ANTXRL: variants seen among roughly 807,000 people sequenced by gnomAD.
ANTXRL encodes the protein anthrax toxin receptor-like.
Under a neutral mutation model 75.4 loss-of-function variants are expected in ANTXRL, and 63 were observed. That is an observed-to-expected ratio of 0.84 (90% CI 0.68 to 1.03). The LOEUF (loss-of-function observed/expected upper bound fraction) is 1.03, where lower values mean the gene tolerates loss of function less well. Ranked by LOEUF, ANTXRL falls within the 50% of genes least tolerant of loss-of-function variation. The probability of loss-of-function intolerance (pLI) is 0.00; values close to 1 mark genes in which losing one functional copy is unlikely to be tolerated. For synonymous variants in ANTXRL, 335 were observed against 291.3 expected (o/e 1.15, Z -1.53); for missense variants, 797 against 789.4 (o/e 1.01, Z -0.12).
chr10:46,286,893 G>A, upstream of ANTXRL: 1 of 302,308 alleles, frequency 3.3e-6, no homozygotes, highest in Non-Finnish European at 6.2e-6. Context: ...GCTTCCTCTT[G>A]TAGCCCCTCC....
At chr10:46,299,635 C>T (rs577385227) in intron 9 of ANTXRL, among the ~76,000 whole-genome samples, 4 of 152,250 alleles carry the variant, frequency 2.6e-5, no homozygotes, top group East Asian at 1.9e-4. Flanking sequence ...GGTGTCCTGG[C>T]GGTAGGCTGT....
intron 5 of ANTXRL, 80 bp downstream of exon 5, chr10:46,296,332 A>C (rs112679328): frequency 0.18 from 268,576 of 1,461,142 alleles, 19,923 homozygotes; most frequent in Non-Finnish European, 0.19. Flanking sequence ...TGTGTGCAGA[A>C]TCTGCAAGGC....
In ANTXRL at chr10:46,311,536, A is replaced by G; in HGVS notation, c.1200A>G (p.Ser400=). ...AGCCAGAGCAGGAAAAACCACCATC[A>G]CCACCACCACCGCCTCCGCCTCCAC... ...EKEPEQEKPP[S]PPPPPPPPPP... Residue 400 remains serine (S), a synonymous_variant, in exon 15 of 17, where the codon TCA becomes TCG. Transcript: ENST00000620264. 1 of 1,531,582 alleles carries G rather than the reference A, an allele frequency of 6.5e-7. No individual in the cohort carries two copies. The highest frequency in any genetic ancestry group is 8.7e-7 in the Non-Finnish European group (1 of 1,144,600). The allele number at this position is 1,531,582 out of a possible 1,614,324, so 94.9% of individuals were successfully genotyped here.
chr10:46,313,383 T>C (rs555347178), intron 16 of ANTXRL, 67 bp downstream of exon 16: 1 of 1,455,134 alleles, frequency 6.9e-7, no homozygotes, highest in African/African-American at 1.4e-5. Context: ...ACCACTGTCC[T>C]CTGGGATTGG....
chr10:46,311,393 C>T, intron 14 of ANTXRL, 117 bp from the exon 15 acceptor site: 1 of 1,358,362 alleles, frequency 7.4e-7, no homozygotes, highest in Middle Eastern at 1.9e-4. Context: ...CATGAAGGAC[C>T]CTCCACTGTG....
rs537543518 is a variant in ANTXRL, at chr10:46,287,331, G to T, written c.69G>T (p.Pro23=). 47 of 1,535,856 alleles carry T rather than the reference G, an allele frequency of 3.1e-5. No individual in the cohort carries two copies. Among genetic ancestry groups the T allele is most frequent in the Non-Finnish European group, 4.1e-5 (47 of 1,146,778 alleles). ...TGCTGCTGCTGCTGCTTCCTCCACC[G>T]CTTTTTAGAGCAGGAAGCCTTCGGT... ...VFLLLLLLPP[P]LFRAGSLRYH... is the part of the protein sequence containing the mutation. The change falls in exon 1 of 17, where the codon CCG becomes CCT. Residue 23 remains proline (P), a synonymous_variant. Transcript: ENST00000620264.
chr10:46,290,578 C>G (rs1392211372), intron 1 of ANTXRL, among the ~76,000 whole-genome samples: 1 of 152,178 alleles, frequency 6.6e-6, no homozygotes, highest in Non-Finnish European at 1.5e-5. Context: ...TTCCCACCAA[C>G]AAAAGCCCAA....
intron 10 of ANTXRL, 82 bp from the exon 11 acceptor site, chr10:46,306,721 C>A: frequency 1.6e-6 from 2 of 1,257,346 alleles, no homozygotes; most frequent in Non-Finnish European, 2.2e-6. Flanking sequence ...ACAGGGTCAG[C>A]CCTGCATGCT....
chr10:46,315,684 T>G (rs1838687523), intron 16 of ANTXRL, among the ~76,000 whole-genome samples: 1 of 152,170 alleles, frequency 6.6e-6, no homozygotes. Flanking sequence ...GCTCGGGAAG[T>G]TGATGAGCCT....
chr10:46,314,010 C>G (rs782586607), intron 16 of ANTXRL, among the ~76,000 whole-genome samples: 1 of 152,210 alleles, frequency 6.6e-6, no homozygotes, highest in Non-Finnish European at 1.5e-5. Flanking sequence ...CGGCCTGGGA[C>G]TCATCTGCCT....
chr10:46,287,064 G>T lies in ANTXRL; in HGVS notation c.-199G>T. ...CAGGTAGCTGGAAGCAAGTCTCCCA[G>T]AGCCAGCTGCTGACCCTAGTCCCTG... On this transcript the variant is annotated 5_prime_UTR_variant, in exon 1 of 17. Transcript: ENST00000620264. 1.5e-6 allele frequency: 1 copy of T among 671,750 alleles called. No individual in the cohort carries two copies. Among genetic ancestry groups the T allele is most frequent in the Non-Finnish European group, 2.4e-6 (1 of 408,902 alleles). The allele number at this position is 671,750 out of a possible 1,614,324, so 41.6% of individuals were successfully genotyped here.
chr10:46,314,549 T>C (rs557619176), intron 16 of ANTXRL, among the ~76,000 whole-genome samples: 1 of 152,044 alleles, frequency 6.6e-6, no homozygotes, highest in East Asian at 1.9e-4. Context: ...GAAATGGCCT[T>C]ACTGTCCAGT....
In ANTXRL at chr10:46,330,090, C is replaced by G. The variant is rs1554967427; in HGVS notation, c.*6C>G. ...CCTCAGAGCCCAACTTCTAAGGCAC[C>G]AAACACCCAAGATTAACAGGCTTTT... On this transcript the variant is annotated 3_prime_UTR_variant, in exon 17 of 17. Coordinates refer to ENST00000620264, the MANE Select transcript of ANTXRL (RefSeq NM_001278688.3). 2 of 1,500,200 alleles carry G rather than the reference C, an allele frequency of 1.3e-6. No individual in the cohort carries two copies. Among genetic ancestry groups the G allele is most frequent in the Non-Finnish European group, 1.8e-6 (2 of 1,127,604 alleles). 92.9% of individuals were successfully genotyped at this position (1,500,200 alleles called of 1,614,324 possible).
At position 46,287,286 on chromosome 10, in the gene ANTXRL, GCCCTACTTCCTGGT is replaced by G; in HGVS notation, c.26_39del (p.Pro9LeufsTer13). The G allele has an allele frequency of 6.5e-7, 1 of 1,535,892 alleles. No homozygotes were observed. The highest frequency in any genetic ancestry group is 8.7e-7 in the Non-Finnish European group (1 of 1,146,734). On this transcript the variant is annotated frameshift_variant, in exon 1 of 17. Coordinates refer to ENST00000620264, the MANE Select transcript of ANTXRL (RefSeq NM_001278688.3). LOFTEE classifies it high-confidence loss of function. The stretch of plus-strand genomic sequence containing the variant: ...TAATGGGGAGCCATGAGTCCCTGGG[GCCCTACTTCCTGGT>G]CTTCCTGCTGCTGCTGCTGCTTCCT...
chr10:46,308,430 C>T lies in ANTXRL; in HGVS notation c.1045-683C>T, dbSNP rs782321684. The T allele has an allele frequency of 1.4e-3, 539 of 387,898 alleles. 3 individuals are homozygous for T. Among genetic ancestry groups the T allele is most frequent in the South Asian group, 9.9e-3 (527 of 53,470 alleles). The allele number at this position is 387,898 out of a possible 1,614,324, so 24.0% of individuals were successfully genotyped here. ...CTCCCCTCCCCTCCCCTCCCCTCCT[C>T]TCCACTCCCCTCCCCTCCCCTCTCC... On this transcript the variant is annotated intron_variant, in intron 12 of 16. Transcript: ENST00000620264.
At position 46,292,040 on chromosome 10, in the gene ANTXRL, C is replaced by CA; in HGVS notation, c.249-17dup. 1 of 1,535,660 alleles carries CA rather than the reference C, an allele frequency of 6.5e-7. No homozygotes were observed. Among genetic ancestry groups the CA allele is most frequent in the Middle Eastern group, 1.7e-4 (1 of 5,968 alleles). ...GAGATGCACTCATCTCCCTGACCCACATCTCCTTTTGTTTTAGGTCTGGCA... is the reference window on the plus strand; with the variant it reads ...GAGATGCACTCATCTCCCTGACCCACAATCTCCTTTTGTTTTAGGTCTGGCA... On this transcript the variant is annotated splice_polypyrimidine_tract_variant and intron_variant, in intron 1 of 16. Coordinates refer to ENST00000620264, the MANE Select transcript of ANTXRL (RefSeq NM_001278688.3).
chr10:46,311,016 C>T lies in ANTXRL; in HGVS notation c.1174-494C>T, dbSNP rs1838388121. Among the ~76,000 whole-genome samples, 2 of 152,020 alleles carry T rather than the reference C, an allele frequency of 1.3e-5. 1 individual carries two copies. On this transcript the variant is annotated intron_variant, in intron 14 of 16. Transcript: ENST00000620264. Reference sequence around the variant, plus strand: ...CACCGAGCTGGGAAGGACACCAGCCCAGTGAGCACAGGGGCCAGGAGTCCG... The same window carrying T: ...CACCGAGCTGGGAAGGACACCAGCCTAGTGAGCACAGGGGCCAGGAGTCCG...
chr10:46,297,560 T>C (rs1837457228), intron 7 of ANTXRL, 86 bp downstream of exon 7: 4 of 1,372,760 alleles, frequency 2.9e-6, no homozygotes, highest in Non-Finnish European at 3.0e-6. Flanking sequence ...CAAGGACGGT[T>C]GTCTAAGCTG....
At chr10:46,329,457 G>A in intron 16 of ANTXRL, 142 bp from the exon 17 acceptor site, 1 of 1,092,722 alleles carries the variant, frequency 9.2e-7, no homozygotes, top group Non-Finnish European at 1.3e-6. Flanking sequence ...AGCACCAAGG[G>A]GAGAGAGGAG....
Sources: gnomAD v4.1 joint callset for allele counts (sites outside exome capture counted in the v4.1 genomes callset) on GRCh38, gnomAD v4.1.1 for gene constraint, MANE v1.5 for transcripts, NCBI Gene and HGNC (gene_info 2026-07-23, HGNC 2026-07-21) for gene names.